The following CDV3 variants were observed in gnomAD, a reference collection of about 807,000 sequenced individuals.
CDV3 encodes the protein protein CDV3 homolog.
In CDV3, 14 loss-of-function variants were observed where a neutral mutation model predicts 24.5. The ratio of observed to expected loss-of-function variants is 0.57; its 90% CI spans 0.38 to 0.89. The LOEUF is 0.89. Among genes scored for constraint, CDV3 ranks in the 40% least tolerant of loss-of-function variants. The pLI is 0.00. For synonymous variants in CDV3, 114 were observed against 114.1 expected, an observed-to-expected ratio of 1.00 and a Z score of 0.00; for missense variants, 304 against 310.2, an observed-to-expected ratio of 0.98 and a Z score of 0.15.
chr3:133,587,712 G>A (rs918615052), intron 4 of CDV3, 184 bp from the exon 5 acceptor site: 26 of 1,385,926 alleles, frequency 1.9e-5, no homozygotes, highest in East Asian at 2.6e-5. Context: ...TCAATACAGC[G>A]TTCTGTGTTT....
chr3:133,586,524 A>G, intron 3 of CDV3, 39 bp from the exon 4 acceptor site: 1 of 1,068,802 alleles, frequency 9.4e-7, no homozygotes, highest in East Asian at 2.4e-5. Context: ...AATGCTGAGC[A>G]TTTAAATAGT....
In CDV3 at chr3:133,589,239, T is replaced by G. The variant is rs1005764000; in HGVS notation, c.*1193T>G. ...TTGATAAGAATTCCTCATGTACTTG[T>G]GCCTAGTTTTTCAAGGTATTGGCTG... On this transcript the variant is annotated 3_prime_UTR_variant, in exon 5 of 5. Transcript: ENST00000264993. 1 of 152,684 alleles carries G rather than the reference T, an allele frequency of 6.5e-6. No individual in the cohort carries two copies. Among genetic ancestry groups the G allele is most frequent in the African/African-American group, 2.4e-5 (1 of 41,460 alleles). 9.5% of individuals were successfully genotyped at this position (152,684 alleles called of 1,614,324 possible). A position where few individuals can be genotyped will look rare whatever the true frequency, so the allele number is the denominator to read the frequency against.
intron 4 of CDV3, 74 bp from the exon 5 acceptor site, chr3:133,587,822 A>C: frequency 6.6e-7 from 1 of 1,514,058 alleles, no homozygotes; most frequent in Non-Finnish European, 8.8e-7. Context: ...GCTTTTTTTT[A>C]AATTCAAGGA....
Position 133,574,026 on chromosome 3 carries a change from G to T in CDV3, c.-19G>T. Reference sequence around the variant, plus strand: ...GCCCGCCGCCGGCCCCACCCATCCGGGTCGAGGAGGCCGAGGCCATGGCTG... The same window carrying T: ...GCCCGCCGCCGGCCCCACCCATCCGTGTCGAGGAGGCCGAGGCCATGGCTG... On this transcript the variant is annotated 5_prime_UTR_variant, in exon 1 of 5. Transcript: ENST00000264993. 1.8e-6 allele frequency: 2 copies of T among 1,121,168 alleles called. No individual in the cohort carries two copies. Among genetic ancestry groups the T allele is most frequent in the Non-Finnish European group, 1.1e-6 (1 of 901,666 alleles). The allele number at this position is 1,121,168 out of a possible 1,614,324, so 69.5% of individuals were successfully genotyped here. A position where few individuals can be genotyped will look rare whatever the true frequency, so the allele number is the denominator to read the frequency against.
intron 1 of CDV3, chr3:133,574,795 T>G: frequency 9.9e-7 from 1 of 1,011,224 alleles, no homozygotes; most frequent in South Asian, 3.5e-5. Flanking sequence ...CCTTCGGCTT[T>G]TCTTAGTTGC....
In CDV3 at chr3:133,588,060, C is replaced by T. The variant is rs779662498; in HGVS notation, c.*14C>T. On this transcript the variant is annotated 3_prime_UTR_variant, in exon 5 of 5. Coordinates refer to ENST00000264993, the MANE Select transcript of CDV3 (RefSeq NM_017548.5). The stretch of plus-strand genomic sequence containing the variant: ...CAATACAATTAAGGAATGGGCTTTG[C>T]TAACCCTTCTGAGGTAACTAGACTG... 1.2e-6 allele frequency: 2 copies of T among 1,610,332 alleles called. No homozygotes were observed. The highest frequency in any genetic ancestry group is 1.7e-6 in the Non-Finnish European group (2 of 1,178,534).
At chr3:133,584,294 T>G (rs1479990545) in intron 3 of CDV3, 144 bp downstream of exon 3, 1 of 568,594 alleles carries the variant, frequency 1.8e-6, no homozygotes, top group Non-Finnish European at 3.1e-6. Context: ...TGTGTATATA[T>G]CTTGTTAAAG....
intron 2 of CDV3, among the ~76,000 whole-genome samples, chr3:133,578,494 T>C (rs2074900771): frequency 6.6e-6 from 1 of 152,254 alleles, no homozygotes. Flanking sequence ...GTGACTACTC[T>C]GCTAGACACT....
intron 3 of CDV3, among the ~76,000 whole-genome samples, chr3:133,584,523 T>C (rs1361036346): frequency 6.6e-6 from 1 of 152,214 alleles, no homozygotes; most frequent in Non-Finnish European, 1.5e-5. Flanking sequence ...GTCAGCTTCA[T>C]TTAGGATTTT....
In CDV3 at chr3:133,589,159, CATG is replaced by C. The variant is rs1180905444; in HGVS notation, c.*1115_*1117del. ...ATCTGTCCTTAGAAATTCAGAGTAA[CATG>C]AGCAAAACCTCAGCTAAAACCCATT... On this transcript the variant is annotated 3_prime_UTR_variant, in exon 5 of 5. Transcript: ENST00000264993. 1.3e-5 allele frequency: 2 copies of C among 152,642 alleles called. No homozygotes were observed. The highest frequency in any genetic ancestry group is 2.9e-5 in the Non-Finnish European group (2 of 68,062). 9.5% of individuals were successfully genotyped at this position (152,642 alleles called of 1,614,324 possible). A position where few individuals can be genotyped will look rare whatever the true frequency, so the allele number is the denominator to read the frequency against.
intron 2 of CDV3, among the ~76,000 whole-genome samples, chr3:133,581,272 T>G (rs917102268): frequency 1.3e-5 from 2 of 152,012 alleles, no homozygotes; most frequent in Middle Eastern, 3.2e-3. Flanking sequence ...AGTTCTAGCT[T>G]ACTTGGGAGG....
In CDV3 at chr3:133,588,153, C is replaced by G. The variant is rs1282432440; in HGVS notation, c.*107C>G. On this transcript the variant is annotated 3_prime_UTR_variant, in exon 5 of 5. Coordinates refer to ENST00000264993, the MANE Select transcript of CDV3 (RefSeq NM_017548.5). ...TGGATCTACAGACACCGATGCAGAC[C>G]ACTCGATTTCATGACCGGCCCTATT... 5 of 1,553,906 alleles carry G rather than the reference C, an allele frequency of 3.2e-6. No homozygotes were observed. Among genetic ancestry groups the G allele is most frequent in the Non-Finnish European group, 4.3e-6 (5 of 1,151,644 alleles).
Position 133,587,903 on chromosome 3 carries a change from GAA to G in CDV3, c.636_637del (p.Glu212AspfsTer6). ...AKHVESRKDKEMEKSFEVVRH... is the reference protein window; with the variant it reads ...AKHVESRKDKXMEKSFEVVRH... Reference sequence around the variant, plus strand: ...ACATTTCTTTTCCCTTAGGGATAAAGAAATGGAGAAGAGCTTTGAAGTAGTAA... The same window carrying G: ...ACATTTCTTTTCCCTTAGGGATAAAGATGGAGAAGAGCTTTGAAGTAGTAA... On this transcript the variant is annotated frameshift_variant, in exon 5 of 5. Transcript: ENST00000264993. LOFTEE classifies it high-confidence loss of function. 1.9e-6 allele frequency: 3 copies of G among 1,606,002 alleles called. No homozygotes were observed. The highest frequency in any genetic ancestry group is 2.6e-6 in the Non-Finnish European group (3 of 1,176,472).
rs1339576461 is a variant in CDV3 at position 133,587,783 on chromosome 3, A to C, written c.627-113A>C. 7.4e-6 allele frequency: 11 copies of C among 1,479,796 alleles called. No individual in the cohort carries two copies. In the East Asian group the frequency reaches 1.4e-4, roughly 19 times the overall value. 91.7% of individuals were successfully genotyped at this position (1,479,796 alleles called of 1,614,324 possible). On this transcript the variant is annotated intron_variant, in intron 4 of 4. Coordinates refer to ENST00000264993, the MANE Select transcript of CDV3 (RefSeq NM_017548.5). ...GGATTTTCTATATGCCTCCACTCCT[A>C]CCCCTCCCCAGGATTCTTCTAAGGG... is the stretch of plus-strand genomic sequence containing the variant.
chr3:133,587,102 C>A, intron 4 of CDV3: 2 of 898,834 alleles, frequency 2.2e-6, no homozygotes, highest in Admixed American at 3.3e-5. Context: ...GTTAATGTGA[C>A]TATAGACAGA....
At chr3:133,574,972 G>A in intron 1 of CDV3, 67 bp from the exon 2 acceptor site, 3 of 978,270 alleles carry the variant, frequency 3.1e-6, no homozygotes, top group Non-Finnish European at 4.9e-6. Flanking sequence ...ACTTTTCGTA[G>A]TGTGTTATTT....
Position 133,573,906 on chromosome 3 carries a change from C to G in CDV3, c.-139C>G, listed in dbSNP as rs1454541184. The stretch of plus-strand genomic sequence containing the variant: ...GGGGAGCCGCCCGTCTCGCCGCGCA[C>G]GCCTCGGCGACCCCGCGGGGCTGAG... On this transcript the variant is annotated 5_prime_UTR_variant, in exon 1 of 5. Coordinates refer to ENST00000264993, the MANE Select transcript of CDV3 (RefSeq NM_017548.5). 1 of 565,982 alleles carries G rather than the reference C, an allele frequency of 1.8e-6. No homozygotes were observed. Among genetic ancestry groups the G allele is most frequent in the Non-Finnish European group, 2.2e-6 (1 of 446,876 alleles). The allele number at this position is 565,982 out of a possible 1,614,324, so 35.1% of individuals were successfully genotyped here. A position where few individuals can be genotyped will look rare whatever the true frequency, so the allele number is the denominator to read the frequency against.
In CDV3 at chr3:133,588,634, TC is replaced by T. The variant is rs1933845005; in HGVS notation, c.*590del. On this transcript the variant is annotated 3_prime_UTR_variant, in exon 5 of 5. Transcript: ENST00000264993. ...TAGTAGGCTGTTGTTATATTAGACTTCCTGGAACACACTGCTGAAAAGAACT... is the reference window on the plus strand; with the variant it reads ...TAGTAGGCTGTTGTTATATTAGACTTCTGGAACACACTGCTGAAAAGAACT... 1.8e-6 allele frequency: 1 copy of T among 543,622 alleles called. No individual in the cohort carries two copies. The highest frequency in any genetic ancestry group is 3.3e-6 in the Non-Finnish European group (1 of 304,066). The allele number at this position is 543,622 out of a possible 1,614,324, so 33.7% of individuals were successfully genotyped here.
In CDV3 at chr3:133,586,621, G is replaced by A. The variant is rs1933631666; in HGVS notation, c.525G>A (p.Arg175=). The stretch of plus-strand genomic sequence containing the variant: ...GTGTGTATAGGCCTCCTGGGGCCAG[G>A]TTAACCACAACAAGGAAAACACCAC... ...TSGVYRPPGA[R]LTTTRKTPQG... The change falls in exon 4 of 5, where the codon AGG becomes AGA. Residue 175 remains arginine (R), a synonymous_variant. Transcript: ENST00000264993. 6.3e-7 allele frequency: 1 copy of A among 1,599,582 alleles called. No individual in the cohort carries two copies. Among genetic ancestry groups the A allele is most frequent in the Non-Finnish European group, 8.6e-7 (1 of 1,166,800 alleles).
Sources: allele counts gnomAD v4.1 joint callset (sites outside exome capture counted in the v4.1 genomes callset), GRCh38; gene constraint gnomAD v4.1.1; transcripts MANE v1.5; gene names NCBI Gene and HGNC (gene_info 2026-07-23, HGNC 2026-07-21).